The following LSAMP variants were observed in gnomAD, a reference collection of about 807,000 sequenced individuals.
LSAMP encodes the protein limbic system-associated membrane protein.
Under a neutral mutation model 38.6 loss-of-function variants are expected in LSAMP, and 7 were observed. That is an observed-to-expected ratio of 0.18 (90% CI 0.10 to 0.34). The LOEUF (loss-of-function observed/expected upper bound fraction) is 0.34. Ranked by LOEUF, LSAMP falls within the 10% of genes least tolerant of loss-of-function variation. LSAMP has a pLI of 1.00. For synonymous variants in LSAMP, 154 were observed against 166.8 expected, an observed-to-expected ratio of 0.92 and a Z score of 0.59; for missense variants, 313 against 420.0, an observed-to-expected ratio of 0.75 and a Z score of 2.23.
intron 1 of LSAMP, among the ~76,000 whole-genome samples, chr3:116,441,130 C>T (rs1291964420): frequency 6.6e-6 from 1 of 152,178 alleles, no homozygotes; most frequent in Non-Finnish European, 1.5e-5. Context: ...CATTTAGATA[C>T]TTAGTTTCCT....
chr3:115,974,447 G>A (rs998961751), intron 3 of LSAMP, among the ~76,000 whole-genome samples: 3 of 152,094 alleles, frequency 2.0e-5, no homozygotes, highest in Non-Finnish European at 4.4e-5. Flanking sequence ...CCAATCAATC[G>A]AGCTGTATTG....
intron 1 of LSAMP, among the ~76,000 whole-genome samples, chr3:116,110,972 G>C (rs968105688): frequency 6.6e-6 from 1 of 151,694 alleles, no homozygotes; most frequent in African/African-American, 2.4e-5. Flanking sequence ...GTCAAAAGGG[G>C]TTCTCTGGTG....
At chr3:116,182,468 C>T (rs74419206) in intron 1 of LSAMP, among the ~76,000 whole-genome samples, 8,686 of 151,310 alleles carry the variant, frequency 0.057, 279 homozygotes, top group African/African-American at 0.094. Flanking sequence ...TAGAAGTCTG[C>T]CAATTAAAAC....
chr3:116,220,890 C>T (rs574377784), intron 1 of LSAMP, among the ~76,000 whole-genome samples: 1 of 152,188 alleles, frequency 6.6e-6, no homozygotes, highest in Non-Finnish European at 1.5e-5. Context: ...CGCAGTGGCT[C>T]ACGCCTGTAA....
At chr3:116,091,615 G>A (rs978547188) in intron 1 of LSAMP, among the ~76,000 whole-genome samples, 2 of 152,202 alleles carry the variant, frequency 1.3e-5, no homozygotes, top group Non-Finnish European at 1.5e-5. Context: ...GCTTCAGCCG[G>A]TCCCTCCGTT....
intron 1 of LSAMP, among the ~76,000 whole-genome samples, chr3:116,399,748 T>C (rs562959121): frequency 2.6e-5 from 4 of 152,324 alleles, no homozygotes; most frequent in South Asian, 2.1e-4. Context: ...TTATATCCCA[T>C]TGAGCAAACG....
At chr3:116,236,161 TC>T (rs1462913810) in intron 1 of LSAMP, among the ~76,000 whole-genome samples, 4 of 152,178 alleles carry the variant, frequency 2.6e-5, no homozygotes, top group Non-Finnish European at 4.4e-5. Flanking sequence ...TCCATTTTTT[TC>T]ATTTTATCTC....
chr3:115,926,332 T>C (rs1295258286), intron 3 of LSAMP, among the ~76,000 whole-genome samples: 2 of 152,200 alleles, frequency 1.3e-5, no homozygotes, highest in Non-Finnish European at 2.9e-5. Context: ...GACTGCCACA[T>C]GCAAGGGGAT....
At chr3:116,444,400 C>CACAG (rs1405103898) in intron 1 of LSAMP, among the ~76,000 whole-genome samples, 1 of 150,092 alleles carries the variant, frequency 6.7e-6, no homozygotes, top group Non-Finnish European at 1.5e-5. Flanking sequence ...AAAACACACA[C>CACAG]ACACACACAC....
rs141100186 is a variant in LSAMP, at chr3:116,135,054, G to A, written c.156-48498C>T. 3.0e-3 allele frequency among the ~76,000 whole-genome samples: 454 copies of A among 152,146 alleles called. 4 individuals are homozygous for A. Among genetic ancestry groups the A allele is most frequent in the African/African-American group, 0.01 (428 of 41,522 alleles). ...ATCACTAAAACGAATTTTCCATCTG[G>A]TTTTCACTACTTTGAGGGGGTGCAT... On this transcript the variant is annotated intron_variant, in intron 1 of 6. Transcript: ENST00000490035.
chr3:116,320,535 T>C (rs990684708), intron 1 of LSAMP, among the ~76,000 whole-genome samples: 1 of 152,210 alleles, frequency 6.6e-6, no homozygotes, highest in African/African-American at 2.4e-5. Context: ...TGGATTCTCC[T>C]AGGGTGTTGT....
At chr3:116,085,851 C>T (rs1292033412) in intron 2 of LSAMP, among the ~76,000 whole-genome samples, 1 of 152,122 alleles carries the variant, frequency 6.6e-6, no homozygotes, top group Non-Finnish European at 1.5e-5. Context: ...AATAAAAAGT[C>T]CTCTGGAAAA....
intron 1 of LSAMP, among the ~76,000 whole-genome samples, chr3:116,105,544 T>G (rs1221670536): frequency 1.3e-5 from 2 of 149,252 alleles, no homozygotes; most frequent in African/African-American, 2.5e-5. Context: ...TGTTCTCTGG[T>G]GGGCAGGGGC....
chr3:115,829,621 A>C (rs1391797203), intron 6 of LSAMP, among the ~76,000 whole-genome samples: 1 of 152,198 alleles, frequency 6.6e-6, no homozygotes, highest in African/African-American at 2.4e-5. Context: ...GTTGGCAGTC[A>C]TGTGGTACTG....
chr3:116,017,264 GA>G (rs1276221136), intron 3 of LSAMP, among the ~76,000 whole-genome samples: 1 of 152,026 alleles, frequency 6.6e-6, no homozygotes, highest in Non-Finnish European at 1.5e-5. Context: ...AATTTTTCTT[GA>G]AAAGCCTATT....
At chr3:116,125,707 C>A (rs1484107259) in intron 1 of LSAMP, among the ~76,000 whole-genome samples, 1 of 152,052 alleles carries the variant, frequency 6.6e-6, no homozygotes. Flanking sequence ...ACCTTCAATC[C>A]ACTACTCATA....
At position 116,203,933 on chromosome 3, in the gene LSAMP, G is replaced by A. The variant is rs147853771; in HGVS notation, c.156-117377C>T. On this transcript the variant is annotated intron_variant, in intron 1 of 6. Transcript: ENST00000490035. ...ATATACCCAGTAATGGGATGGCTGG[G>A]TCAAATGGTATTTCTAGTTCTAGAT... Among the ~76,000 whole-genome samples, 879 of 152,202 alleles carry A rather than the reference G, an allele frequency of 5.8e-3. 5 individuals carry two copies. The highest frequency in any genetic ancestry group is 0.013 in the Admixed American group (201 of 15,288).
intron 3 of LSAMP, among the ~76,000 whole-genome samples, chr3:116,013,964 A>T (rs1940404147): frequency 6.6e-6 from 1 of 152,054 alleles, no homozygotes; most frequent in Non-Finnish European, 1.5e-5. Context: ...TTCTCAGGTG[A>T]GCTTTGCTGG....
intron 2 of LSAMP, among the ~76,000 whole-genome samples, chr3:116,054,107 C>A (rs1221178215): frequency 6.6e-6 from 1 of 152,128 alleles, no homozygotes; most frequent in East Asian, 1.9e-4. Flanking sequence ...GGAATCAATT[C>A]CTTGCCTTCT....
Sources: gnomAD v4.1 joint callset for allele counts (sites outside exome capture counted in the v4.1 genomes callset) on GRCh38, gnomAD v4.1.1 for gene constraint, MANE v1.5 for transcripts, NCBI Gene and HGNC (gene_info 2026-07-23, HGNC 2026-07-21) for gene names.